AKAP9: variants seen among roughly 807,000 people sequenced by gnomAD.
AKAP9 encodes the protein A-kinase anchor protein 9.
AKAP9 carries 311 observed loss-of-function variants against 488.5 expected under a neutral mutation model. The ratio of observed to expected loss-of-function variants is 0.64; its 90% CI spans 0.58 to 0.70. AKAP9 has a LOEUF of 0.70. Among genes scored for constraint, AKAP9 ranks in the 30% least tolerant of loss-of-function variants. The pLI, the probability that AKAP9 is intolerant of heterozygous loss-of-function variation, is 0.00. For synonymous variants in AKAP9, 1,462 were observed against 1,483.5 expected (o/e 0.99, Z 0.33); for missense variants, 4,215 against 4,374.5 (o/e 0.96, Z 1.03).
intron 7 of AKAP9, among the ~76,000 whole-genome samples, chr7:91,998,211 G>A (rs746817504): frequency 7.2e-5 from 11 of 152,066 alleles, no homozygotes; most frequent in Non-Finnish European, 1.5e-4. Context: ...CTTACCTCCT[G>A]CTGTGTGGCC....
chr7:92,038,672 C>A lies in AKAP9; in HGVS notation c.4592C>A (p.Ser1531Ter). Reference protein sequence around the residue: ...LGEHGKEILLSNSDPHDIPES... With the variant: ...LGEHGKEILL Reference sequence around the variant, plus strand: ...GAACATGGAAAGGAAATTTTATTATCAAATAGTGATCCCCATGATATACCA... The same window carrying A: ...GAACATGGAAAGGAAATTTTATTATAAAATAGTGATCCCCATGATATACCA... The change falls in exon 17 of 50, where the codon TCA becomes TAA. Residue 1531 changes from serine (S) to a stop codon, truncating the protein, a stop_gained. Coordinates refer to ENST00000356239, the MANE Select transcript of AKAP9 (RefSeq NM_005751.5). LOFTEE classifies it high-confidence loss of function. The A allele has an allele frequency of 6.2e-7, 1 of 1,609,750 alleles. No homozygotes were observed. The highest frequency in any genetic ancestry group is 1.1e-5 in the South Asian group (1 of 90,226).
chr7:92,003,071 G>T lies in AKAP9; in HGVS notation c.3154G>T (p.Asp1052Tyr). 3.7e-6 allele frequency: 6 copies of T among 1,612,802 alleles called. No individual in the cohort carries two copies. Among genetic ancestry groups the T allele is most frequent in the Non-Finnish European group, 5.1e-6 (6 of 1,179,516 alleles). Residue 1052 changes from aspartate (D) to tyrosine (Y), a missense_variant, in exon 8 of 50, where the codon GAT (aspartate) becomes TAT (tyrosine). Coordinates refer to ENST00000356239, the MANE Select transcript of AKAP9 (RefSeq NM_005751.5). Reference protein sequence around the residue: ...FGEESKIMVEDKVSFENMTVG... With the variant: ...FGEESKIMVEYKVSFENMTVG... ...TGAAGAATCAAAAATAATGGTGGAA[G>T]ATAAAGTTTCTTTTGAAAATATGAC...
chr7:92,048,845 G>A lies in AKAP9; in HGVS notation c.5368+3632G>A, dbSNP rs951682966. On this transcript the variant is annotated intron_variant, in intron 21 of 49. Transcript: ENST00000356239. ...TGCTTGAACCCAGGAGGTGGAGGTT[G>A]CAGTGAGCCGAGATCACACCACTGC... 2.0e-5 allele frequency among the ~76,000 whole-genome samples: 3 copies of A among 152,256 alleles called. No homozygotes were observed. In the East Asian group the frequency reaches 5.8e-4, roughly 29 times the overall value.
rs183525679 is a variant in AKAP9, at chr7:92,067,154, T to C, written c.6330+608T>C. On this transcript the variant is annotated intron_variant, in intron 26 of 49. Coordinates refer to ENST00000356239, the MANE Select transcript of AKAP9 (RefSeq NM_005751.5). ...CATAAATGATGGAGTGCCCCAAAAC[T>C]TACTCTTGGGCCCCTTTTTATTTCC... 3.3e-5 allele frequency among the ~76,000 whole-genome samples: 5 copies of C among 152,284 alleles called. No individual in the cohort carries two copies. The East Asian group carries it at 7.7e-4, about 24-fold the overall frequency.
intron 1 of AKAP9, among the ~76,000 whole-genome samples, chr7:91,942,640 A>C (rs1790917189): frequency 1.3e-5 from 2 of 152,218 alleles, no homozygotes; most frequent in Non-Finnish European, 2.9e-5. Context: ...GTCTTTCCTG[A>C]ATATATGTGA....
intron 22 of AKAP9, among the ~76,000 whole-genome samples, chr7:92,059,914 G>A (rs1809453613): frequency 6.6e-6 from 1 of 151,688 alleles, no homozygotes; most frequent in African/African-American, 2.4e-5. Flanking sequence ...ATATTATCAT[G>A]GGTATTTTAG....
At chr7:91,990,725 A>G (rs2130628782) in intron 3 of AKAP9, among the ~76,000 whole-genome samples, 1 of 152,336 alleles carries the variant, frequency 6.6e-6, no homozygotes, top group African/African-American at 2.4e-5. Context: ...CTGATAACTG[A>G]TAACTGATTC....
intron 22 of AKAP9, chr7:92,058,260 G>A (rs200890608): frequency 3.1e-5 from 18 of 587,540 alleles, no homozygotes; most frequent in East Asian, 7.4e-5. Flanking sequence ...GTTGAATCTC[G>A]CGTGCCTTTA....
rs201649179 is a variant in AKAP9, at chr7:92,077,092, C to CTTTTTTTTTTTT, written c.6765+88_6765+89insTTTTTTTTTTTT. 4 of 296,968 alleles carry CTTTTTTTTTTTT rather than the reference C, an allele frequency of 1.3e-5. 1 individual carries two copies. Among genetic ancestry groups the CTTTTTTTTTTTT allele is most frequent in the Non-Finnish European group, 2.0e-5 (4 of 199,960 alleles). The allele number at this position is 296,968 out of a possible 1,614,324, so 18.4% of individuals were successfully genotyped here. A position where few individuals can be genotyped will look rare whatever the true frequency, so the allele number is the denominator to read the frequency against. ...TTTATTATTATTATTATTATTATTT[C>CTTTTTTTTTTTT]TTTCTTTTTTTTTTTTTTTTTGAGA... On this transcript the variant is annotated intron_variant, in intron 29 of 49. Coordinates refer to ENST00000356239, the MANE Select transcript of AKAP9 (RefSeq NM_005751.5).
At chr7:92,008,236 G>A (rs1221070768) in intron 8 of AKAP9, among the ~76,000 whole-genome samples, 8 of 151,962 alleles carry the variant, frequency 5.3e-5, no homozygotes, top group African/African-American at 9.7e-5. Flanking sequence ...GCATGGGGGC[G>A]CGTGCCTGTA....
intron 12 of AKAP9, among the ~76,000 whole-genome samples, chr7:92,018,395 A>AACACAC (rs56394853): frequency 0.037 from 4,492 of 120,578 alleles, 95 homozygotes; most frequent in Non-Finnish European, 0.053. Context: ...CTAAAAATAT[A>AACACAC]ACACACACAC....
At chr7:91,982,639 C>T (rs1796580121) in intron 3 of AKAP9, among the ~76,000 whole-genome samples, 1 of 152,138 alleles carries the variant, frequency 6.6e-6, no homozygotes, top group African/African-American at 2.4e-5. Context: ...GTGAATAGTG[C>T]CACGATAAAC....
At chr7:92,088,608 G>A (rs1016110160) in intron 37 of AKAP9, among the ~76,000 whole-genome samples, 2 of 152,208 alleles carry the variant, frequency 1.3e-5, no homozygotes, top group African/African-American at 4.8e-5. Flanking sequence ...ATCAGTGGTT[G>A]ACAGGGGTTA....
chr7:91,975,880 GTTTTTA>G lies in AKAP9; in HGVS notation c.306+1918_306+1923del, dbSNP rs372372845. Among the ~76,000 whole-genome samples the G allele has an allele frequency of 3.8e-3, 540 of 140,368 alleles. 3 individuals are homozygous for G. Among genetic ancestry groups the G allele is most frequent in the African/African-American group, 0.014 (519 of 37,634 alleles). 92.1% of individuals were successfully genotyped at this position (140,368 alleles called of 152,430 possible). ...AGAAATGTTGAGGTTTTTTTGTTTTGTTTTTATTTTTTAGTTTATTGGTTTGTTTTT... is the reference window on the plus strand; with the variant it reads ...AGAAATGTTGAGGTTTTTTTGTTTTGTTTTTTAGTTTATTGGTTTGTTTTT... On this transcript the variant is annotated intron_variant, in intron 2 of 49. Coordinates refer to ENST00000356239, the MANE Select transcript of AKAP9 (RefSeq NM_005751.5).
At chr7:92,009,122 C>A (rs1297271397) in intron 8 of AKAP9, among the ~76,000 whole-genome samples, 1 of 151,978 alleles carries the variant, frequency 6.6e-6, no homozygotes, top group Non-Finnish European at 1.5e-5. Flanking sequence ...AGTTCAAGAC[C>A]AACCTGGGCA....
intron 16 of AKAP9, among the ~76,000 whole-genome samples, chr7:92,037,056 G>A (rs571203969): frequency 3.9e-5 from 6 of 152,098 alleles, no homozygotes; most frequent in Non-Finnish European, 5.9e-5. Flanking sequence ...AATTTCTGCC[G>A]TAATATTTAT....
At chr7:91,991,719 C>T (rs1254848178) in intron 3 of AKAP9, among the ~76,000 whole-genome samples, 1 of 152,168 alleles carries the variant, frequency 6.6e-6, no homozygotes, top group African/African-American at 2.4e-5. Flanking sequence ...GATCTGCCCG[C>T]CTCAGCCTCC....
chr7:92,077,736 A>G lies in AKAP9; in HGVS notation c.6806A>G (p.Asp2269Gly), dbSNP rs765553799. ...CTGGGACTTGCCATAAAGGAATCTG[A>G]TGCCATGTCTACTCAAGACCAACAT... The part of the protein sequence containing the change: ...EKLGLAIKES[D>G]AMSTQDQHVL... The change falls in exon 30 of 50, where the codon GAT (aspartate) becomes GGT (glycine). Residue 2269 changes from aspartate to glycine, a missense_variant. By Grantham distance (94) the Asp-to-Gly change is moderately conservative. Around this residue, in one of 5 missense-constraint regions of AKAP9, gnomAD observed 1,476 missense variants for 1,477.4 expected, o/e 1.00. Transcript: ENST00000356239. 1 of 1,613,932 alleles carries G rather than the reference A, an allele frequency of 6.2e-7. No individual in the cohort carries two copies. Among genetic ancestry groups the G allele is most frequent in the African/African-American group, 1.3e-5 (1 of 75,038 alleles).
intron 1 of AKAP9, among the ~76,000 whole-genome samples, chr7:91,950,669 G>A (rs1300624331): frequency 6.6e-6 from 1 of 152,114 alleles, no homozygotes; most frequent in East Asian, 1.9e-4. Flanking sequence ...AGACCTTGTG[G>A]GGATTGCAGT....
Sources: allele counts gnomAD v4.1 joint callset (sites outside exome capture counted in the v4.1 genomes callset), GRCh38; gene constraint gnomAD v4.1.1; regional missense constraint gnomAD v4.1.1; transcripts MANE v1.5; gene names NCBI Gene and HGNC (gene_info 2026-07-23, HGNC 2026-07-21).